The following ABAT variants were observed in gnomAD, a reference collection of about 807,000 sequenced individuals.
The protein encoded by ABAT is 4-aminobutyrate aminotransferase.
ABAT carries 45 observed loss-of-function variants against 64.6 expected under a neutral mutation model. The observed-to-expected ratio is 0.70, with a 90% confidence interval of 0.55 to 0.89. ABAT has a LOEUF of 0.89. Ranked by LOEUF, ABAT falls within the 40% of genes least tolerant of loss-of-function variation. The probability of loss-of-function intolerance (pLI) is 0.00; values close to 1 mark genes in which losing one functional copy is unlikely to be tolerated. For synonymous variants in ABAT, 297 were observed against 250.5 expected (o/e 1.19, Z -1.75); for missense variants, 633 against 658.4 (o/e 0.96, Z 0.42).
At chr16:8,739,953 A>G (rs2059115546) in intron 2 of ABAT, among the ~76,000 whole-genome samples, 1 of 151,538 alleles carries the variant, frequency 6.6e-6, no homozygotes, top group Non-Finnish European at 1.5e-5. Flanking sequence ...TAAGAATACT[A>G]AAACACAGTG....
At chr16:8,767,476 G>T (rs1240791658) in intron 9 of ABAT, among the ~76,000 whole-genome samples, 1 of 152,170 alleles carries the variant, frequency 6.6e-6, no homozygotes, top group Non-Finnish European at 1.5e-5. Flanking sequence ...GAGTAGTAGG[G>T]AGCCAGGGGA....
Position 8,781,435 on chromosome 16 carries a change from G to A in ABAT, c.*5G>A, listed in dbSNP as rs1272192071. The A allele has an allele frequency of 1.2e-6, 2 of 1,614,054 alleles. No individual in the cohort carries two copies. The highest frequency in any genetic ancestry group is 1.7e-6 in the Non-Finnish European group (2 of 1,180,042). On this transcript the variant is annotated 3_prime_UTR_variant, in exon 16 of 16. Coordinates refer to ENST00000268251, the MANE Select transcript of ABAT (RefSeq NM_020686.6). The surrounding 1 kb of genome is among the most constrained non-coding windows in gnomAD (Gnocchi z 4.5). The stretch of plus-strand genomic sequence containing the variant: ...ATCTTAGCAGACTTCAAGTAAAGAA[G>A]CCATTTCCACTACAGTGAGAAAGCC...
intron 14 of ABAT, among the ~76,000 whole-genome samples, chr16:8,777,855 G>C (rs1196611686): frequency 6.6e-6 from 1 of 152,128 alleles, no homozygotes; most frequent in African/African-American, 2.4e-5. Context: ...GCTCATGCCT[G>C]TAACCCCAGT....
At chr16:8,757,404 G>C (rs2059678499) in intron 5 of ABAT, 2 of 360,908 alleles carry the variant, frequency 5.5e-6, no homozygotes, top group Non-Finnish European at 5.4e-6. Context: ...CTGACCTCAA[G>C]TGATCCACCC....
At position 8,768,816 on chromosome 16, in the gene ABAT, T is replaced by C; in HGVS notation, c.668-9T>C. Reference sequence around the variant, plus strand: ...CCAAGCGTCTGCTTTTCTGTTTTGCTGAACTCAGGTTGCTTAGCGACCACG... The same window carrying C: ...CCAAGCGTCTGCTTTTCTGTTTTGCCGAACTCAGGTTGCTTAGCGACCACG... On this transcript the variant is annotated splice_polypyrimidine_tract_variant and intron_variant, in intron 10 of 15. Transcript: ENST00000268251. The C allele has an allele frequency of 6.2e-7, 1 of 1,614,168 alleles. No individual in the cohort carries two copies. Among genetic ancestry groups the C allele is most frequent in the Non-Finnish European group, 8.5e-7 (1 of 1,180,024 alleles).
intron 1 of ABAT, among the ~76,000 whole-genome samples, chr16:8,686,179 C>A (rs936210923): frequency 6.6e-6 from 1 of 152,244 alleles, no homozygotes; most frequent in Non-Finnish European, 1.5e-5. Context: ...GTAAATAGCA[C>A]TCTGCTGGCT....
intron 1 of ABAT, among the ~76,000 whole-genome samples, chr16:8,722,590 C>T (rs57802801): frequency 0.085 from 12,952 of 152,140 alleles, 640 homozygotes; most frequent in African/African-American, 0.11. Context: ...AACTGAGGTT[C>T]GGGAAATGCA....
chr16:8,779,516 G>T lies in ABAT; in HGVS notation c.1307G>T (p.Arg436Leu). The change falls in exon 15 of 16, where the codon CGA becomes CTA. Residue 436 changes from arginine to leucine, a missense_variant. Transcript: ENST00000268251. The stretch of plus-strand genomic sequence containing the variant: ...CAGTTCATCAGCAGGGTGAGAGGAC[G>T]AGGCACCTTTTGCTCCTTCGATACT... ...YPQFISRVRG[R>L]GTFCSFDTPD... 6.2e-7 allele frequency: 1 copy of T among 1,614,138 alleles called. No homozygotes were observed. The highest frequency in any genetic ancestry group is 8.5e-7 in the Non-Finnish European group (1 of 1,180,034).
intron 1 of ABAT, among the ~76,000 whole-genome samples, chr16:8,682,245 G>C (rs111625843): frequency 0.05 from 7,448 of 149,240 alleles, 241 homozygotes; most frequent in Middle Eastern, 0.11. Flanking sequence ...CATTCAGGAT[G>C]TATTTGTTGG....
intron 1 of ABAT, among the ~76,000 whole-genome samples, chr16:8,675,488 C>T (rs755727235): frequency 6.6e-6 from 1 of 152,048 alleles, no homozygotes; most frequent in African/African-American, 2.4e-5. Flanking sequence ...CCTAGTAACC[C>T]CCTGCACCAT....
chr16:8,751,329 C>T (rs957837974), intron 5 of ABAT, among the ~76,000 whole-genome samples: 23 of 152,072 alleles, frequency 1.5e-4, no homozygotes, highest in Admixed American at 1.5e-3. Context: ...CTCAAGTGAT[C>T]CTCCCACCTT....
At chr16:8,714,317 AACACAC>A (rs984976366) in intron 1 of ABAT, among the ~76,000 whole-genome samples, 1 of 152,192 alleles carries the variant, frequency 6.6e-6, no homozygotes, top group Non-Finnish European at 1.5e-5. Flanking sequence ...GAACAGCACA[AACACAC>A]ACACCCCTTT....
intron 1 of ABAT, among the ~76,000 whole-genome samples, chr16:8,686,323 G>A (rs1370887400): frequency 6.6e-6 from 1 of 152,230 alleles, no homozygotes; most frequent in Admixed American, 6.5e-5. Context: ...TCCTGCAAGG[G>A]GCTGGAAGCA....
intron 1 of ABAT, among the ~76,000 whole-genome samples, chr16:8,684,039 C>T (rs988204996): frequency 1.3e-5 from 2 of 152,016 alleles, no homozygotes; most frequent in East Asian, 1.9e-4. Context: ...ACTAGCCATG[C>T]GGAAACAGGC....
At position 8,776,627 on chromosome 16, in the gene ABAT, T is replaced by G; in HGVS notation, c.1269+137T>G. The G allele has an allele frequency of 4.3e-6, 4 of 937,090 alleles. No individual in the cohort carries two copies. The South Asian group carries it at 6.0e-5, about 14-fold the overall frequency. 58.0% of individuals were successfully genotyped at this position (937,090 alleles called of 1,614,324 possible). On this transcript the variant is annotated intron_variant, in intron 14 of 15. Transcript: ENST00000268251. The surrounding 1 kb of genome is among the most constrained non-coding windows in gnomAD (Gnocchi z 4.4). Reference sequence around the variant, plus strand: ...GTAACGGGCTGTGCTGCTCCTAGCCTTGGGGGCTTTGCACATGCTGTGTCC... The same window carrying G: ...GTAACGGGCTGTGCTGCTCCTAGCCGTGGGGGCTTTGCACATGCTGTGTCC...
chr16:8,686,459 G>A (rs2057458507), intron 1 of ABAT, among the ~76,000 whole-genome samples: 1 of 152,204 alleles, frequency 6.6e-6, no homozygotes, highest in African/African-American at 2.4e-5. Context: ...CCTGGACAGA[G>A]TTTTGGCTCC....
intron 5 of ABAT, among the ~76,000 whole-genome samples, chr16:8,756,343 C>G (rs532998089): frequency 6.6e-6 from 1 of 152,200 alleles, no homozygotes; most frequent in African/African-American, 2.4e-5. Flanking sequence ...TTGAGTTTAA[C>G]ATAACTACAG....
chr16:8,752,171 C>T (rs865989165), intron 5 of ABAT, among the ~76,000 whole-genome samples: 1 of 152,226 alleles, frequency 6.6e-6, no homozygotes, highest in African/African-American at 2.4e-5. Flanking sequence ...TTATTTGCCA[C>T]TAACATGAGA....
chr16:8,727,735 A>C (rs562182403), intron 1 of ABAT, among the ~76,000 whole-genome samples: 2 of 152,264 alleles, frequency 1.3e-5, no homozygotes, highest in African/African-American at 4.8e-5. Flanking sequence ...TATGAGCTTC[A>C]GAAAGAAAGC....
Sources: allele counts gnomAD v4.1 joint callset (sites outside exome capture counted in the v4.1 genomes callset), GRCh38; gene constraint gnomAD v4.1.1; non-coding constraint Gnocchi (gnomAD v3.1); transcripts MANE v1.5; gene names NCBI Gene and HGNC (gene_info 2026-07-23, HGNC 2026-07-21).